The following KCNH1 variants were observed in gnomAD, a reference collection of about 807,000 sequenced individuals.
KCNH1 encodes the protein potassium voltage-gated channel subfamily H member 1.
KCNH1 carries 27 observed loss-of-function variants against 69.2 expected under a neutral mutation model. The observed-to-expected ratio is 0.39, with a 90% CI of 0.29 to 0.54. The LOEUF is 0.54. Among genes scored for constraint, KCNH1 ranks in the 20% least tolerant of loss-of-function variants. The pLI is 0.68. For synonymous variants in KCNH1, 456 were observed against 487.7 expected, an observed-to-expected ratio of 0.93 and a Z score of 0.86; for missense variants, 798 against 1,261.6, an observed-to-expected ratio of 0.63 and a Z score of 5.57.
chr1:210,997,844 TG>T (rs1558560647), intron 6 of KCNH1, among the ~76,000 whole-genome samples: 1 of 151,938 alleles, frequency 6.6e-6, no homozygotes, highest in Admixed American at 6.6e-5. Context: ...CAGAAGAGAG[TG>T]GGGGCCGATA....
intron 6 of KCNH1, among the ~76,000 whole-genome samples, chr1:210,937,311 G>T (rs758530309): frequency 6.6e-6 from 1 of 152,194 alleles, no homozygotes; most frequent in Non-Finnish European, 1.5e-5. Context: ...TGGCCACATA[G>T]TGTCTCAACT....
At chr1:210,916,671 G>A (rs912248719) in intron 7 of KCNH1, among the ~76,000 whole-genome samples, 3 of 152,076 alleles carry the variant, frequency 2.0e-5, no homozygotes, top group Non-Finnish European at 4.4e-5. Flanking sequence ...CTTATGAAAT[G>A]GAGATAATAA....
chr1:211,017,336 C>A (rs1235838570), intron 6 of KCNH1, among the ~76,000 whole-genome samples: 1 of 152,172 alleles, frequency 6.6e-6, no homozygotes, highest in East Asian at 1.9e-4. Flanking sequence ...GTCTTGATAT[C>A]CCGGCAGGGA....
intron 2 of KCNH1, among the ~76,000 whole-genome samples, 179 bp from the exon 3 acceptor site, chr1:211,103,781 C>A (rs529506533): frequency 3.2e-4 from 48 of 152,340 alleles, no homozygotes; most frequent in African/African-American, 1.2e-3. Context: ...AAGACTTTTT[C>A]ATTGTCTCCA....
intron 10 of KCNH1, among the ~76,000 whole-genome samples, chr1:210,703,660 C>T (rs937268055): frequency 1.3e-5 from 2 of 152,194 alleles, no homozygotes; most frequent in African/African-American, 4.8e-5. Flanking sequence ...AGATTAAATG[C>T]TGCCTTCCTA....
At chr1:211,042,110 C>T (rs1304336028) in intron 5 of KCNH1, among the ~76,000 whole-genome samples, 3 of 152,172 alleles carry the variant, frequency 2.0e-5, no homozygotes, top group Non-Finnish European at 4.4e-5. Context: ...GCTCAGAATG[C>T]TCCTCTCCTA....
At chr1:210,758,860 G>C (rs1337408269) in intron 10 of KCNH1, among the ~76,000 whole-genome samples, 3 of 152,150 alleles carry the variant, frequency 2.0e-5, no homozygotes, top group Non-Finnish European at 2.9e-5. Context: ...TGCTTTTCAT[G>C]CTTCTCCCTT....
intron 5 of KCNH1, among the ~76,000 whole-genome samples, chr1:211,043,545 A>G (rs1051013089): frequency 2.0e-5 from 3 of 152,200 alleles, no homozygotes; most frequent in African/African-American, 7.2e-5. Flanking sequence ...TCTTGACACT[A>G]TTCCACAAGA....
chr1:210,935,684 C>T (rs116449585), intron 6 of KCNH1, among the ~76,000 whole-genome samples: 1,845 of 152,230 alleles, frequency 0.012, 14 homozygotes, highest in Non-Finnish European at 0.018. Flanking sequence ...CAAATAATTC[C>T]ATAGAGTTCT....
In KCNH1 at chr1:211,018,973, A is replaced by G. The variant is rs781032058; in HGVS notation, c.842T>C (p.Ile281Thr). The change falls in exon 6 of 11, where the codon ATT becomes ACT. Residue 281 changes from isoleucine to threonine, a missense_variant. Physicochemically the swap from Ile to Thr is moderately conservative, Grantham distance 89. Transcript: ENST00000271751. ...TTFVGPAGEV[I>T]SDPKLIRMNY... is the part of the protein sequence containing the mutation. ...CATGCGGATAAGTTTGGGGTCAGAA[A>G]TCACCTCCCCTGCTGGTCCAACAAA... 2 of 1,613,922 alleles carry G rather than the reference A, an allele frequency of 1.2e-6. No homozygotes were observed. Among genetic ancestry groups the G allele is most frequent in the Non-Finnish European group, 1.7e-6 (2 of 1,179,992 alleles).
chr1:211,076,003 C>G (rs993792532), intron 5 of KCNH1, among the ~76,000 whole-genome samples: 2 of 152,216 alleles, frequency 1.3e-5, no homozygotes, highest in African/African-American at 4.8e-5. Flanking sequence ...TGAGATTGAC[C>G]TGCGAGGCAG....
intron 7 of KCNH1, chr1:210,859,536 A>C: frequency 6.3e-7 from 1 of 1,594,320 alleles, no homozygotes; most frequent in Non-Finnish European, 8.6e-7. Context: ...GCTTAGCCAG[A>C]ATCTCCAAAT....
rs751169211 is a variant in KCNH1, at chr1:211,030,239, C to A, written c.559-10983G>T. Among the ~76,000 whole-genome samples the A allele has an allele frequency of 7.6e-4, 116 of 152,270 alleles. 1 individual carries two copies. Among genetic ancestry groups the A allele is most frequent in the Non-Finnish European group, 5.9e-4 (40 of 68,024 alleles). On this transcript the variant is annotated intron_variant, in intron 5 of 10. Transcript: ENST00000271751. ...CAAAAATAAAGTGGTTCAAACTCAT[C>A]AAATTATATACATTAAACATAACTG...
At chr1:210,811,797 A>G (rs1684709569) in intron 7 of KCNH1, among the ~76,000 whole-genome samples, 1 of 152,208 alleles carries the variant, frequency 6.6e-6, no homozygotes, top group South Asian at 2.1e-4. Context: ...TATTGTCACT[A>G]TTTAGCAGGT....
Position 210,761,756 on chromosome 1 carries a change from C to A in KCNH1, c.2112+13592G>T, listed in dbSNP as rs184670046. ...ATTCAGATTTATAAGACTATTATTT[C>A]TAGACCTGAGAAATGACTTTGATAG... On this transcript the variant is annotated intron_variant, in intron 10 of 10. Transcript: ENST00000271751. Among the ~76,000 whole-genome samples, 296 of 152,274 alleles carry A rather than the reference C, an allele frequency of 1.9e-3. 1 individual carries two copies. Among genetic ancestry groups the A allele is most frequent in the Middle Eastern group, 6.8e-3 (2 of 294 alleles).
At chr1:210,916,855 A>C (rs1438104810) in intron 7 of KCNH1, among the ~76,000 whole-genome samples, 1 of 152,088 alleles carries the variant, frequency 6.6e-6, no homozygotes, top group Non-Finnish European at 1.5e-5. Flanking sequence ...ACATTTTTAA[A>C]AAAAGAAATG....
At chr1:210,860,235 C>T (rs746033709) in intron 7 of KCNH1, 93 of 1,466,372 alleles carry the variant, frequency 6.3e-5, no homozygotes, top group Non-Finnish European at 8.1e-5. Context: ...AGCCATCTTG[C>T]TGAAAGACTT....
chr1:210,785,176 G>C (rs1684070033), intron 9 of KCNH1, among the ~76,000 whole-genome samples: 1 of 152,182 alleles, frequency 6.6e-6, no homozygotes, highest in Non-Finnish European at 1.5e-5. Context: ...GGCTAGGCAG[G>C]ACTATTGAGA....
intron 7 of KCNH1, among the ~76,000 whole-genome samples, chr1:210,813,961 T>C (rs1684762074): frequency 1.3e-5 from 2 of 152,212 alleles, no homozygotes; most frequent in Non-Finnish European, 2.9e-5. Context: ...ATGTAAGATG[T>C]GCCTTTTGCC....
Sources: allele counts gnomAD v4.1 joint callset (sites outside exome capture counted in the v4.1 genomes callset), GRCh38; gene constraint gnomAD v4.1.1; transcripts MANE v1.5; gene names NCBI Gene and HGNC (gene_info 2026-07-23, HGNC 2026-07-21).